Variants in PARD3 observed in about 807,000 individuals in gnomAD.
The protein encoded by PARD3 is par-3 family cell polarity regulator.
PARD3 carries 75 observed loss-of-function variants against 155.4 expected under a neutral mutation model. The observed-to-expected ratio is 0.48, with a 90% confidence interval of 0.40 to 0.58. PARD3 has a LOEUF of 0.58. Ranked by LOEUF, PARD3 falls within the 20% of genes least tolerant of loss-of-function variation. The pLI, the probability that PARD3 is intolerant of heterozygous loss-of-function variation, is 0.00. For missense variants in PARD3, 1,642 were observed against 1,721.7 expected, an observed-to-expected ratio of 0.95 and a Z score of 0.82; for synonymous variants, 576 against 610.5, an observed-to-expected ratio of 0.94 and a Z score of 0.83.
chr10:34,458,390 A>C (rs2077445047), intron 4 of PARD3, among the ~76,000 whole-genome samples: 1 of 152,104 alleles, frequency 6.6e-6, no homozygotes, highest in African/African-American at 2.4e-5. Flanking sequence ...TTTTGTAGAG[A>C]CTGAGTCTTA....
rs528479051 is a variant in PARD3 at position 34,362,819 on chromosome 10, G to A, written c.1708-2560C>T. ...ACAGAGTACGAAATAATGACTATGT[G>A]TGAATGAACTGCACTACCTCAATAT... On this transcript the variant is annotated intron_variant, in intron 12 of 24. Coordinates refer to ENST00000374788, the MANE Select transcript of PARD3 (RefSeq NM_001184785.2). 7.9e-5 allele frequency among the ~76,000 whole-genome samples: 12 copies of A among 152,316 alleles called. 1 individual carries two copies. In the South Asian group the frequency reaches 2.1e-3, roughly 26 times the overall value.
chr10:34,567,527 C>T lies in PARD3; in HGVS notation c.223-50368G>A, dbSNP rs567730839. 7.9e-5 allele frequency among the ~76,000 whole-genome samples: 12 copies of T among 152,280 alleles called. No individual in the cohort carries two copies. The South Asian group carries it at 2.5e-3, about 32-fold the overall frequency. ...GTCCTTTGGCGGCATTTTCTTTTTA[C>T]ACAGGTTTGACTTAGCATCAAACAA... On this transcript the variant is annotated intron_variant, in intron 2 of 24. Transcript: ENST00000374788.
At chr10:34,436,096 C>T (rs1432902236) in intron 5 of PARD3, among the ~76,000 whole-genome samples, 1 of 152,126 alleles carries the variant, frequency 6.6e-6, no homozygotes, top group Non-Finnish European at 1.5e-5. Context: ...AAAGAATACA[C>T]AAGTTATGCC....
At chr10:34,811,164 T>TA (rs1201431543) in intron 1 of PARD3, among the ~76,000 whole-genome samples, 1 of 152,158 alleles carries the variant, frequency 6.6e-6, no homozygotes, top group East Asian at 1.9e-4. Flanking sequence ...AAACCTCATC[T>TA]AAGGTTGCTC....
chr10:34,470,137 G>C lies in PARD3; in HGVS notation c.530C>G (p.Ala177Gly), dbSNP rs1180728266. ...RKNPTRWSTT[A>G]GFLKQNTAGS... ...AGCAGTGTTCTGCTTGAGGAAGCCAGCTGTTGTTGACCAGCGTGTGGGATT... is the reference window on the plus strand; with the variant it reads ...AGCAGTGTTCTGCTTGAGGAAGCCACCTGTTGTTGACCAGCGTGTGGGATT... Residue 177 changes from alanine to glycine, a missense_variant, in exon 4 of 25, where the codon GCT (alanine) becomes GGT (glycine). Ala to Gly is a moderately conservative substitution (Grantham distance 60, BLOSUM62 0). Transcript: ENST00000374788. 1 of 1,613,382 alleles carries C rather than the reference G, an allele frequency of 6.2e-7. No individual in the cohort carries two copies. The highest frequency in any genetic ancestry group is 1.1e-5 in the South Asian group (1 of 90,820).
intron 22 of PARD3, among the ~76,000 whole-genome samples, chr10:34,247,029 G>A (rs1016113007): frequency 5.3e-5 from 8 of 151,888 alleles, no homozygotes; most frequent in Non-Finnish European, 7.4e-5. Context: ...TGAGGCTGCA[G>A]TGAGCCACCA....
chr10:34,355,940 A>C (rs1437305339), intron 14 of PARD3, among the ~76,000 whole-genome samples: 23 of 117,052 alleles, frequency 2.0e-4, no homozygotes, highest in Non-Finnish European at 3.1e-4. Context: ...AAAAAAAAAA[A>C]AAAAAACAAA....
rs115991657 is a variant in PARD3 at position 34,426,109 on chromosome 10, G to A, written c.715-24192C>T. 1.4e-3 allele frequency among the ~76,000 whole-genome samples: 212 copies of A among 152,186 alleles called. 1 individual carries two copies. Among genetic ancestry groups the A allele is most frequent in the African/African-American group, 4.6e-3 (190 of 41,512 alleles). ...CAAATATAGTATTATATTTTCAACC[G>A]TACAAGTAATAGGTTTAAAAACCAG... On this transcript the variant is annotated intron_variant, in intron 5 of 24. Coordinates refer to ENST00000374788, the MANE Select transcript of PARD3 (RefSeq NM_001184785.2).
chr10:34,195,747 C>T (rs1267234245), intron 22 of PARD3, among the ~76,000 whole-genome samples: 1 of 152,102 alleles, frequency 6.6e-6, no homozygotes, highest in Non-Finnish European at 1.5e-5. Flanking sequence ...ACAAACATCC[C>T]AATCCAAATT....
intron 5 of PARD3, among the ~76,000 whole-genome samples, chr10:34,441,430 ATCTT>A (rs765627457): frequency 1.3e-4 from 20 of 152,338 alleles, no homozygotes; most frequent in Non-Finnish European, 2.5e-4. Flanking sequence ...TGCATAGTTT[ATCTT>A]TCTTTATTTC....
chr10:34,217,664 A>G (rs1029473137), intron 22 of PARD3, among the ~76,000 whole-genome samples: 1 of 152,082 alleles, frequency 6.6e-6, no homozygotes, highest in African/African-American at 2.4e-5. Context: ...TGTAATCATG[A>G]AGTACAGAGG....
chr10:34,165,320 T>C (rs1949478451), intron 22 of PARD3, among the ~76,000 whole-genome samples: 1 of 152,162 alleles, frequency 6.6e-6, no homozygotes, highest in African/African-American at 2.4e-5. Context: ...GCTTCTTCAC[T>C]TCCCTTTTGA....
At chr10:34,405,264 T>C (rs1844337098) in intron 5 of PARD3, among the ~76,000 whole-genome samples, 1 of 152,026 alleles carries the variant, frequency 6.6e-6, no homozygotes. Flanking sequence ...TAACACATAA[T>C]ACAGAAAACA....
At chr10:34,538,306 A>C (rs959549817) in intron 2 of PARD3, among the ~76,000 whole-genome samples, 13 of 152,232 alleles carry the variant, frequency 8.5e-5, no homozygotes, top group African/African-American at 2.9e-4. Flanking sequence ...CAGAGCACCT[A>C]GCACGTATGA....
At chr10:34,681,375 A>T (rs1045772640) in intron 2 of PARD3, among the ~76,000 whole-genome samples, 42 of 152,072 alleles carry the variant, frequency 2.8e-4, no homozygotes, top group Non-Finnish European at 8.8e-5. Flanking sequence ...CTAAAGGTAG[A>T]AAGAATATTC....
intron 22 of PARD3, among the ~76,000 whole-genome samples, chr10:34,221,175 G>A (rs949169692): frequency 6.6e-6 from 1 of 152,190 alleles, no homozygotes; most frequent in African/African-American, 2.4e-5. Context: ...TTTGATAAGT[G>A]AAGTCTGATG....
At chr10:34,550,674 A>T in intron 2 of PARD3, among the ~76,000 whole-genome samples, 1 of 152,238 alleles carries the variant, frequency 6.6e-6, no homozygotes, top group Admixed American at 6.5e-5. Flanking sequence ...CACTTATTTT[A>T]AGTCACTCCA....
At chr10:34,134,895 G>A (rs763211654) in intron 22 of PARD3, among the ~76,000 whole-genome samples, 3 of 152,166 alleles carry the variant, frequency 2.0e-5, no homozygotes, top group Admixed American at 1.3e-4. Flanking sequence ...TCTATAATGA[G>A]CCAATAATTC....
At chr10:34,140,169 A>G (rs1778875) in intron 22 of PARD3, among the ~76,000 whole-genome samples, 74,303 of 151,718 alleles carry the variant, frequency 0.49, 19,615 homozygotes, top group Non-Finnish European at 0.6. Context: ...AGCATTCTTG[A>G]TAAAATCCTA....
Sources: gnomAD v4.1 joint callset for allele counts (sites outside exome capture counted in the v4.1 genomes callset) on GRCh38, gnomAD v4.1.1 for gene constraint, MANE v1.5 for transcripts, NCBI Gene and HGNC (gene_info 2026-07-23, HGNC 2026-07-21) for gene names.